Variants in SMC2 observed in about 807,000 individuals in gnomAD.
SMC2 encodes the protein structural maintenance of chromosomes 2.
Under a neutral mutation model 142.6 loss-of-function variants are expected in SMC2, and 41 were observed. That is an observed-to-expected ratio of 0.29 (90% CI 0.22 to 0.37). The LOEUF (loss-of-function observed/expected upper bound fraction) is 0.37. SMC2 is among the 10% of genes least tolerant of loss of function. The probability of loss-of-function intolerance (pLI) is 1.00; values close to 1 mark genes in which losing one functional copy is unlikely to be tolerated. For missense variants in SMC2, 1,265 were observed against 1,373.7 expected, an observed-to-expected ratio of 0.92 and a Z score of 1.25; for synonymous variants, 463 against 457.5, an observed-to-expected ratio of 1.01 and a Z score of -0.15.
chr9:104,112,796 A>AT (rs768230836), intron 10 of SMC2, among the ~76,000 whole-genome samples: 87 of 152,256 alleles, frequency 5.7e-4, no homozygotes, highest in Non-Finnish European at 1.1e-3. Flanking sequence ...GACACATGTA[A>AT]TTTAAATAGT....
In SMC2 at chr9:104,131,963, A is replaced by G. The variant is rs750231177; in HGVS notation, c.2992-46A>G. 3 of 965,064 alleles carry G rather than the reference A, an allele frequency of 3.1e-6. No individual in the cohort carries two copies. The African/African-American group carries it at 5.0e-5, about 16-fold the overall frequency. The allele number at this position is 965,064 out of a possible 1,614,324, so 59.8% of individuals were successfully genotyped here. ...TTTCTGACCAAATTCCAGAATATAG[A>G]AGAGATTTTATATTTTCCCAGTTAA... On this transcript the variant is annotated intron_variant, in intron 21 of 24. Transcript: ENST00000374793.
At chr9:104,128,527 G>C (rs1223017703) in intron 20 of SMC2, among the ~76,000 whole-genome samples, 4 of 152,146 alleles carry the variant, frequency 2.6e-5, no homozygotes, top group Non-Finnish European at 5.9e-5. Context: ...ACTGTGCCAG[G>C]CACTGACAAT....
rs1388345860 is a variant in SMC2, at chr9:104,111,746, G to A, written c.1186G>A (p.Ala396Thr). The A allele has an allele frequency of 6.2e-7, 1 of 1,614,064 alleles. No individual in the cohort carries two copies. The change falls in exon 10 of 25, where the codon GCA becomes ACA. Residue 396 changes from alanine (A) to threonine (T), a missense_variant. Physicochemically the swap from Ala to Thr is moderately conservative, Grantham distance 58. Coordinates refer to ENST00000374793, the MANE Select transcript of SMC2 (RefSeq NM_006444.3). ...GTCCAGTAATGAAGATGGAGCAGAAGCAACTCTTGCTGGTCAAATGATGGC... is the reference window on the plus strand; with the variant it reads ...GTCCAGTAATGAAGATGGAGCAGAAACAACTCTTGCTGGTCAAATGATGGC... ...GLSSNEDGAE[A>T]TLAGQMMACK...
At chr9:104,100,288 T>C (rs1251689142) in intron 6 of SMC2, 85 bp downstream of exon 6, 11 of 1,383,188 alleles carry the variant, frequency 8.0e-6, no homozygotes, top group Non-Finnish European at 3.0e-6. Flanking sequence ...AAAATTTTTT[T>C]CCTTGGTTCA....
rs1368306161 is a variant in SMC2, at chr9:104,101,986, A to G, written c.663A>G (p.Gln221=). 3 of 1,605,450 alleles carry G rather than the reference A, an allele frequency of 1.9e-6. No homozygotes were observed. The highest frequency in any genetic ancestry group is 2.5e-6 in the Non-Finnish European group (3 of 1,176,836). The part of the protein sequence containing the change: ...KEERSSYLEY[Q]KVMREIEHLS... ...AAAGATCGTCCTACTTGGAGTACCA[A>G]AAAGTAATGAGAGAAATAGAACATT... The change falls in exon 8 of 25, where the codon CAA becomes CAG. Residue 221 remains glutamine (Q), a synonymous_variant. Coordinates refer to ENST00000374793, the MANE Select transcript of SMC2 (RefSeq NM_006444.3).
chr9:104,127,451 A>G lies in SMC2; in HGVS notation c.2761A>G (p.Lys921Glu). 6.2e-7 allele frequency: 1 copy of G among 1,611,206 alleles called. No homozygotes were observed. Among genetic ancestry groups the G allele is most frequent in the Non-Finnish European group, 8.5e-7 (1 of 1,178,574 alleles). Residue 921 changes from lysine (K) to glutamate (E), a missense_variant, in exon 20 of 25, where the codon AAA (lysine) becomes GAA (glutamate). Lys to Glu is a moderately conservative substitution (Grantham distance 56, BLOSUM62 1). Around this residue, in one of 4 missense-constraint regions of SMC2, gnomAD observed 898 missense variants for 904.2 expected, o/e 0.99. Coordinates refer to ENST00000374793, the MANE Select transcript of SMC2 (RefSeq NM_006444.3). ...KELDHNISKHKREAEDGAAKV... is the reference protein window; with the variant it reads ...KELDHNISKHEREAEDGAAKV... Reference sequence around the variant, plus strand: ...ATTAGACCACAACATCAGCAAACATAAACGGGAGGCTGAAGATGGTGCTGC... The same window carrying G: ...ATTAGACCACAACATCAGCAAACATGAACGGGAGGCTGAAGATGGTGCTGC...
intron 22 of SMC2, among the ~76,000 whole-genome samples, chr9:104,132,340 A>G (rs1237045121): frequency 3.9e-5 from 6 of 152,150 alleles, no homozygotes; most frequent in Non-Finnish European, 8.8e-5. Flanking sequence ...TAAGAATTGG[A>G]TAGTAAACAA....
rs144260740 is a variant in SMC2, at chr9:104,111,188, T to G, written c.1021-393T>G. 2.0e-5 allele frequency among the ~76,000 whole-genome samples: 3 copies of G among 152,356 alleles called. No individual in the cohort carries two copies. In the East Asian group the frequency reaches 5.8e-4, roughly 29 times the overall value. ...TCAAATTTTATGGCTCTTGACAGTT[T>G]ATAAAATATTTTCATATACATGCTC... On this transcript the variant is annotated intron_variant, in intron 9 of 24. Coordinates refer to ENST00000374793, the MANE Select transcript of SMC2 (RefSeq NM_006444.3).
chr9:104,088,444 G>C, the SMC2 span, among the ~76,000 whole-genome samples: 1 of 152,026 alleles, frequency 6.6e-6, no homozygotes, highest in East Asian at 1.9e-4. Context: ...AAAGGGTTAA[G>C]GGATTATGGA....
chr9:104,098,368 G>A (rs1215272108), intron 3 of SMC2, 78 bp from the exon 4 acceptor site: 3 of 1,186,166 alleles, frequency 2.5e-6, no homozygotes, highest in Admixed American at 2.9e-5. Context: ...ACAAATAAAC[G>A]TAAGCTAATA....
chr9:104,100,766 C>T (rs7042705), intron 7 of SMC2, among the ~76,000 whole-genome samples: 56,171 of 151,978 alleles, frequency 0.37, 10,744 homozygotes, highest in Middle Eastern at 0.43. Flanking sequence ...CTCTTAGACA[C>T]CCTCATTGAG....
intron 22 of SMC2, 73 bp downstream of exon 22, chr9:104,132,198 G>T: frequency 1.3e-6 from 1 of 768,318 alleles, no homozygotes; most frequent in Non-Finnish European, 2.2e-6. Context: ...TACTCTATAA[G>T]AAATTTGAAA....
chr9:104,102,329 C>CTT, intron 8 of SMC2, 95 bp from the exon 9 acceptor site: 1 of 1,231,392 alleles, frequency 8.1e-7, no homozygotes, highest in Non-Finnish European at 1.1e-6. Flanking sequence ...AATGAAATAA[C>CTT]TTATAAAAAA....
At chr9:104,132,535 A>G (rs1047121346) in intron 22 of SMC2, among the ~76,000 whole-genome samples, 22 of 152,188 alleles carry the variant, frequency 1.4e-4, no homozygotes, top group African/African-American at 4.8e-4. Context: ...CATTTTTACT[A>G]TAGCGGAAGA....
At chr9:104,126,609 A>G (rs1479367906) in intron 18 of SMC2, 32 bp from the exon 19 acceptor site, 10 of 1,557,556 alleles carry the variant, frequency 6.4e-6, no homozygotes, top group African/African-American at 2.8e-5. Flanking sequence ...TTAATAACCT[A>G]TATGAATACC....
intron 16 of SMC2, among the ~76,000 whole-genome samples, chr9:104,121,741 A>G (rs1030974724): frequency 6.6e-6 from 1 of 151,796 alleles, no homozygotes; most frequent in African/African-American, 2.4e-5. Flanking sequence ...CAAGATTTTC[A>G]TAGTCAGGAT....
chr9:104,139,710 A>T lies in SMC2; in HGVS notation c.*395A>T, dbSNP rs558366213. On this transcript the variant is annotated 3_prime_UTR_variant, in exon 25 of 25. Coordinates refer to ENST00000374793, the MANE Select transcript of SMC2 (RefSeq NM_006444.3). ...TAAGGCAATATTAATGTGTTTTCTAAAGTCATTCAGGTAAGGAAGAATTAT... is the reference window on the plus strand; with the variant it reads ...TAAGGCAATATTAATGTGTTTTCTATAGTCATTCAGGTAAGGAAGAATTAT... The T allele has an allele frequency of 7.2e-4, 114 of 158,968 alleles. No homozygotes were observed. The highest frequency in any genetic ancestry group is 1.4e-3 in the Non-Finnish European group (100 of 73,026). The allele number at this position is 158,968 out of a possible 1,614,324, so 9.8% of individuals were successfully genotyped here. A position where few individuals can be genotyped will look rare whatever the true frequency, so the allele number is the denominator to read the frequency against.
intron 16 of SMC2, among the ~76,000 whole-genome samples, chr9:104,121,181 A>G (rs989235511): frequency 1.2e-4 from 19 of 152,160 alleles, no homozygotes; most frequent in African/African-American, 4.6e-4. Context: ...AAGAGCTACA[A>G]ACTTAACAAA....
At chr9:104,131,988 A>G in intron 21 of SMC2, 21 bp from the exon 22 acceptor site, 1 of 1,176,244 alleles carries the variant, frequency 8.5e-7, no homozygotes, top group Non-Finnish European at 1.2e-6. Context: ...TTCCCAGTTA[A>G]CCATGTTTTT....
Sources: gnomAD v4.1 joint callset for allele counts (sites outside exome capture counted in the v4.1 genomes callset) on GRCh38, gnomAD v4.1.1 for gene constraint, gnomAD v4.1.1 regional missense constraint, MANE v1.5 for transcripts, NCBI Gene and HGNC (gene_info 2026-07-23, HGNC 2026-07-21) for gene names.